Variants in TPRG1 observed in about 807,000 individuals in gnomAD.
TPRG1 encodes tumor protein p63 regulated 1.
TPRG1 carries 29 observed loss-of-function variants against 29.3 expected under a neutral mutation model. The observed-to-expected ratio is 0.99, with a 90% CI of 0.74 to 1.35. TPRG1 has a LOEUF of 1.35. Among genes scored for constraint, TPRG1 ranks in the 40% most tolerant of loss-of-function variants. The pLI is 0.00. For synonymous variants in TPRG1, 130 were observed against 116.8 expected, an observed-to-expected ratio of 1.11 and a Z score of -0.73; for missense variants, 327 against 335.0, an observed-to-expected ratio of 0.98 and a Z score of 0.19.
At chr3:189,261,974 T>C (rs1422144769) in intron 4 of TPRG1, among the ~76,000 whole-genome samples, 1 of 152,154 alleles carries the variant, frequency 6.6e-6, no homozygotes, top group Non-Finnish European at 1.5e-5. Flanking sequence ...GTTTCAGTCA[T>C]ATTAGGATAT....
At chr3:189,028,601 T>C (rs1713781830) in intron 4 of TPRG1, among the ~76,000 whole-genome samples, 2 of 152,110 alleles carry the variant, frequency 1.3e-5, no homozygotes, top group African/African-American at 4.8e-5. Context: ...CCTTTAGCAG[T>C]TTTTAGGGTT....
intron 5 of TPRG1, among the ~76,000 whole-genome samples, chr3:189,155,855 T>C (rs1421399960): frequency 6.6e-6 from 1 of 152,196 alleles, no homozygotes; most frequent in Non-Finnish European, 1.5e-5. Context: ...GGGGAGATGT[T>C]GGTCAGAGTA....
intron 4 of TPRG1, among the ~76,000 whole-genome samples, chr3:189,024,230 G>C (rs750209130): frequency 6.6e-6 from 1 of 152,224 alleles, no homozygotes; most frequent in Non-Finnish European, 1.5e-5. Context: ...AACCTTCCCC[G>C]TGAGGAGGAA....
chr3:189,219,881 A>C, intron 3 of TPRG1: 1 of 525,098 alleles, frequency 1.9e-6, no homozygotes, highest in Non-Finnish European at 2.4e-6. Context: ...TATTCCCCCA[A>C]CTCCACCTGG....
At chr3:189,002,566 T>G (rs990057792) in intron 2 of TPRG1, among the ~76,000 whole-genome samples, 1 of 152,178 alleles carries the variant, frequency 6.6e-6, no homozygotes, top group Non-Finnish European at 1.5e-5. Flanking sequence ...TTCACAGAGT[T>G]GGAAGAACCT....
intron 1 of TPRG1, among the ~76,000 whole-genome samples, chr3:189,189,970 A>T (rs957554603): frequency 1.3e-5 from 2 of 152,200 alleles, no homozygotes; most frequent in South Asian, 4.1e-4. Context: ...ATTATTATAG[A>T]CTGGCTATAG....
chr3:189,189,232 A>G (rs763150341), intron 1 of TPRG1, among the ~76,000 whole-genome samples: 3 of 152,050 alleles, frequency 2.0e-5, no homozygotes, highest in Non-Finnish European at 2.9e-5. Context: ...ATACATATCT[A>G]TATTTTATTT....
chr3:189,031,863 G>A (rs1267920610), intron 4 of TPRG1, among the ~76,000 whole-genome samples: 1 of 152,126 alleles, frequency 6.6e-6, no homozygotes, highest in Non-Finnish European at 1.5e-5. Context: ...TCTCACCAAG[G>A]AAAGTAGCAA....
intron 3 of TPRG1, among the ~76,000 whole-genome samples, chr3:189,022,228 A>G (rs1451492200): frequency 6.6e-6 from 1 of 151,998 alleles, no homozygotes; most frequent in African/African-American, 2.4e-5. Context: ...TTCTTCTTTC[A>G]GCTCGTCAAA....
At chr3:189,138,706 C>T (rs1242571805) in intron 3 of TPRG1, among the ~76,000 whole-genome samples, 1 of 152,134 alleles carries the variant, frequency 6.6e-6, no homozygotes, top group Non-Finnish European at 1.5e-5. Flanking sequence ...TGCAAGGGGT[C>T]CAGGGAATTA....
At chr3:189,049,689 CCAG>C (rs1715193152) in intron 4 of TPRG1, among the ~76,000 whole-genome samples, 2 of 152,260 alleles carry the variant, frequency 1.3e-5, no homozygotes, top group South Asian at 4.1e-4. Flanking sequence ...CCAAGGCTAA[CCAG>C]CACAAAAATA....
At chr3:189,077,639 T>C (rs1375476818) in intron 4 of TPRG1, among the ~76,000 whole-genome samples, 2 of 152,210 alleles carry the variant, frequency 1.3e-5, no homozygotes, top group African/African-American at 4.8e-5. Context: ...ATGTTAATTA[T>C]ACCTAAACTA....
At chr3:189,179,720 C>T (rs1025099383) in intron 1 of TPRG1, among the ~76,000 whole-genome samples, 22 of 152,114 alleles carry the variant, frequency 1.4e-4, no homozygotes, top group African/African-American at 5.3e-4. Flanking sequence ...GAGAAGTTTC[C>T]CCCAAAATGT....
intron 4 of TPRG1, among the ~76,000 whole-genome samples, chr3:189,050,214 G>C (rs1467410447): frequency 6.6e-6 from 1 of 152,006 alleles, no homozygotes; most frequent in African/African-American, 2.4e-5. Context: ...AAAGAAGAGA[G>C]AAAATCCAAA....
Position 189,254,446 on chromosome 3 carries a change from A to G in TPRG1, c.479+15537A>G, listed in dbSNP as rs573669475. Among the ~76,000 whole-genome samples the G allele has an allele frequency of 6.6e-5, 10 of 152,328 alleles. No individual in the cohort carries two copies. The South Asian group carries it at 1.7e-3, about 25-fold the overall frequency. ...TAGCCTTGTAGTATAGTTTGAAGTC[A>G]GGTAGCATGATGCCTCCAGCTTTGT... is the stretch of plus-strand genomic sequence containing the variant. On this transcript the variant is annotated intron_variant, in intron 4 of 5. Transcript: ENST00000345063.
intron 4 of TPRG1, among the ~76,000 whole-genome samples, chr3:189,032,492 C>A (rs1384005547): frequency 6.6e-6 from 1 of 152,128 alleles, no homozygotes; most frequent in East Asian, 1.9e-4. Flanking sequence ...TAAATTATTT[C>A]TCTCGTACAT....
chr3:189,213,913 A>G (rs181396759), intron 2 of TPRG1, among the ~76,000 whole-genome samples: 5 of 152,290 alleles, frequency 3.3e-5, no homozygotes, highest in Admixed American at 3.3e-4. Context: ...TATAATATAT[A>G]TCCCTAGTCC....
intron 1 of TPRG1, chr3:189,191,116 A>G: frequency 6.3e-5 from 15 of 239,378 alleles, no homozygotes; most frequent in Non-Finnish European, 9.5e-5. Flanking sequence ...GACCATATTT[A>G]TACACATATG....
intron 1 of TPRG1, among the ~76,000 whole-genome samples, chr3:189,117,788 TTG>T (rs1721357624): frequency 6.6e-6 from 1 of 152,232 alleles, no homozygotes; most frequent in Non-Finnish European, 1.5e-5. Context: ...TCTGCCATGT[TTG>T]TAAGTTTCCT....
Sources: allele counts gnomAD v4.1 joint callset (sites outside exome capture counted in the v4.1 genomes callset), GRCh38; gene constraint gnomAD v4.1.1; transcripts MANE v1.5; gene names NCBI Gene and HGNC (gene_info 2026-07-23, HGNC 2026-07-21).